Variants in TENM1 observed in about 807,000 individuals in gnomAD.
TENM1 encodes teneurin transmembrane protein 1.
Under a neutral mutation model 174.8 loss-of-function variants are expected in TENM1, and 35 were observed. That is an observed-to-expected ratio of 0.20 (90% CI 0.15 to 0.27). The LOEUF (loss-of-function observed/expected upper bound fraction) is 0.27. Among genes scored for constraint, TENM1 ranks in the 10% least tolerant of loss-of-function variants. The probability of loss-of-function intolerance (pLI) is 1.00; values close to 1 mark genes in which losing one functional copy is unlikely to be tolerated. For synonymous variants in TENM1, 781 were observed against 798.7 expected, an observed-to-expected ratio of 0.98 and a Z score of 0.37; for missense variants, 1,633 against 2,130.1, an observed-to-expected ratio of 0.77 and a Z score of 4.59.
chrX:125,014,261 A>G, the TENM1 span, among the ~76,000 whole-genome samples: 1 of 112,573 alleles, frequency 8.9e-6, no homozygotes, highest in East Asian at 2.8e-4. Flanking sequence ...TTGAATGGAT[A>G]TATGAAAACA....
intron 3 of TENM1, among the ~76,000 whole-genome samples, chrX:124,825,158 C>CTTT (rs745471230): frequency 2.6e-3 from 159 of 60,958 alleles, no homozygotes; most frequent in Non-Finnish European, 3.1e-3. Flanking sequence ...AGCTGACTTT[C>CTTT]TTTTTTTTTT....
intron 28 of TENM1, among the ~76,000 whole-genome samples, chrX:124,386,703 G>C (rs946738620): frequency 1.8e-5 from 2 of 110,301 alleles, no homozygotes; most frequent in Non-Finnish European, 3.8e-5. Context: ...GGGAGTCATC[G>C]AAGGGTTTCT....
At chrX:124,969,903 T>C in the TENM1 span, among the ~76,000 whole-genome samples, 1 of 112,257 alleles carries the variant, frequency 8.9e-6, no homozygotes, top group African/African-American at 3.2e-5. Flanking sequence ...CAATTGTTTA[T>C]GAAATGTGAA....
chrX:125,014,550 ATG>A, the TENM1 span, among the ~76,000 whole-genome samples: 1 of 112,388 alleles, frequency 8.9e-6, no homozygotes. Flanking sequence ...TAACATAATT[ATG>A]TTATTATTAT....
intron 1 of TENM1, among the ~76,000 whole-genome samples, chrX:124,918,032 T>G (rs1190122695): frequency 3.6e-5 from 4 of 112,023 alleles, no homozygotes; most frequent in Non-Finnish European, 7.5e-5. Context: ...TAGCTCAGGT[T>G]AAACAAACAG....
chrX:124,417,474 A>C (rs1331582311), intron 25 of TENM1, among the ~76,000 whole-genome samples: 1 of 111,301 alleles, frequency 9.0e-6, no homozygotes, highest in East Asian at 2.8e-4. Flanking sequence ...GGCCTCCCAA[A>C]GTGCAGGGAT....
At chrX:125,082,365 C>A in the TENM1 span, among the ~76,000 whole-genome samples, 2 of 110,319 alleles carry the variant, frequency 1.8e-5, no homozygotes, top group South Asian at 3.9e-4. Context: ...TCACCTGATT[C>A]CTCTGCTCAA....
exon 27 of TENM1, chrX:124,405,046 A>G: frequency 2.5e-6 from 3 of 1,211,115 alleles, no homozygotes; most frequent in Non-Finnish European, 3.4e-6. Context: ...GCCTCCTTTC[A>G]AAAGCCGAAA....
At chrX:125,070,969 A>G in the TENM1 span, among the ~76,000 whole-genome samples, 1 of 111,852 alleles carries the variant, frequency 8.9e-6, no homozygotes, top group African/African-American at 3.2e-5. Flanking sequence ...CTCTTCTACA[A>G]ATCAGCTCTT....
At chrX:124,944,906 G>C (rs766754794) in intron 1 of TENM1, among the ~76,000 whole-genome samples, 1 of 110,805 alleles carries the variant, frequency 9.0e-6, no homozygotes, top group Non-Finnish European at 1.9e-5. Flanking sequence ...TGACCATAAT[G>C]TCTCAGTTTT....
intron 11 of TENM1, among the ~76,000 whole-genome samples, chrX:124,591,825 T>G (rs1335039776): frequency 8.9e-6 from 1 of 112,097 alleles, no homozygotes; most frequent in East Asian, 2.8e-4. Context: ...TTTTCCAGGT[T>G]TTTGCTTTTT....
chrX:124,935,902 GC>G (rs1168825397), intron 1 of TENM1, among the ~76,000 whole-genome samples: 1 of 111,688 alleles, frequency 9.0e-6, no homozygotes, highest in African/African-American at 3.3e-5. Flanking sequence ...CTCAAATACA[GC>G]CCTGAACATA....
chrX:125,193,848 T>C, the TENM1 span, among the ~76,000 whole-genome samples: 2 of 111,492 alleles, frequency 1.8e-5, no homozygotes, highest in East Asian at 5.7e-4. Flanking sequence ...GGTGCAATCA[T>C]GGCTCACTTG....
At chrX:124,544,444 G>T (rs147090855) in intron 15 of TENM1, among the ~76,000 whole-genome samples, 1 of 112,186 alleles carries the variant, frequency 8.9e-6, no homozygotes. Flanking sequence ...TAGAGTTTTT[G>T]TGAGGATTAA....
At chrX:125,077,254 C>T in the TENM1 span, among the ~76,000 whole-genome samples, 3 of 111,184 alleles carry the variant, frequency 2.7e-5, no homozygotes, top group Admixed American at 2.9e-4. Context: ...GGAACCTAAA[C>T]TAGCAGGTTA....
chrX:124,468,858 G>T (rs2061268945), intron 22 of TENM1, among the ~76,000 whole-genome samples: 1 of 111,808 alleles, frequency 8.9e-6, no homozygotes, highest in Non-Finnish European at 1.9e-5. Context: ...TTTTATCCAT[G>T]CAACATTATA....
intron 23 of TENM1, among the ~76,000 whole-genome samples, chrX:124,433,129 T>C (rs189450089): frequency 2.6e-3 from 294 of 111,899 alleles, no homozygotes; most frequent in South Asian, 0.012. Flanking sequence ...ATCACTGTCA[T>C]GTTAGGGTTT....
intron 3 of TENM1, among the ~76,000 whole-genome samples, chrX:124,776,163 T>C (rs1319977243): frequency 1.8e-5 from 2 of 111,610 alleles, no homozygotes; most frequent in East Asian, 2.8e-4. Context: ...GAGGGTAAAA[T>C]GAAGACAACT....
At chrX:124,690,154 A>G (rs1427159827) in intron 5 of TENM1, among the ~76,000 whole-genome samples, 1 of 111,867 alleles carries the variant, frequency 8.9e-6, no homozygotes, top group Non-Finnish European at 1.9e-5. Context: ...ATAATCAATT[A>G]CCACCATTCT....
Sources: allele counts gnomAD v4.1 joint callset (sites outside exome capture counted in the v4.1 genomes callset), GRCh38; gene constraint gnomAD v4.1.1; transcripts MANE v1.5; gene names NCBI Gene and HGNC (gene_info 2026-07-23, HGNC 2026-07-21).